Variants in PDE10A observed in about 807,000 individuals in gnomAD.
PDE10A encodes cAMP and cAMP-inhibited cGMP 3',5'-cyclic phosphodiesterase 10A.
In PDE10A, 39 loss-of-function variants were observed where a neutral mutation model predicts 97.7. The observed-to-expected ratio is 0.40, with a 90% CI of 0.31 to 0.52. The LOEUF is 0.52. PDE10A is among the 20% of genes least tolerant of loss of function. PDE10A has a pLI of 0.56. For synonymous variants in PDE10A, 371 were observed against 376.8 expected (o/e 0.98, Z 0.18); for missense variants, 731 against 1,047.8 (o/e 0.70, Z 4.17).
At chr6:165,889,302 T>A (rs1259502401) in intron 1 of PDE10A, among the ~76,000 whole-genome samples, 1 of 152,212 alleles carries the variant, frequency 6.6e-6, no homozygotes, top group Non-Finnish European at 1.5e-5. Flanking sequence ...CTTAGTTAGA[T>A]AATGAATTAT....
At chr6:165,916,408 G>A (rs151080712) in intron 1 of PDE10A, among the ~76,000 whole-genome samples, 5 of 152,330 alleles carry the variant, frequency 3.3e-5, no homozygotes, top group East Asian at 3.9e-4. Context: ...TTGCCAAAAT[G>A]CAGGAAGATT....
At chr6:165,382,667 A>G (rs1339556060) in intron 17 of PDE10A, among the ~76,000 whole-genome samples, 2 of 152,262 alleles carry the variant, frequency 1.3e-5, no homozygotes, top group East Asian at 1.9e-4. Context: ...TATGTACAAA[A>G]TATTTAAGTT....
At chr6:165,553,524 A>C (rs1170418721) in intron 1 of PDE10A, among the ~76,000 whole-genome samples, 1 of 152,204 alleles carries the variant, frequency 6.6e-6, no homozygotes, top group Non-Finnish European at 1.5e-5. Flanking sequence ...CATTCCACTG[A>C]AAGAGAATTG....
intron 1 of PDE10A, among the ~76,000 whole-genome samples, chr6:165,792,097 G>T (rs1248144295): frequency 6.6e-6 from 1 of 152,186 alleles, no homozygotes; most frequent in African/African-American, 2.4e-5. Flanking sequence ...TCAGTGTCTG[G>T]AAGGAGGCAC....
At position 165,671,510 on chromosome 6, in the gene PDE10A, C is replaced by T. The variant is rs147486755; in HGVS notation, c.-614-127942G>A. ...CCAGCTGCTCATGCTGCCACCTTCC[C>T]GTTGGCTGCTGTGTATATCTCTCCA... On this transcript the variant is annotated intron_variant, in intron 1 of 19. Transcript: ENST00000366882. The surrounding 1 kb of genome is among the most constrained non-coding windows in gnomAD (Gnocchi z 4.6). Among the ~76,000 whole-genome samples the T allele has an allele frequency of 2.5e-4, 38 of 152,268 alleles. No individual in the cohort carries two copies. Among genetic ancestry groups the T allele is most frequent in the Middle Eastern group, 3.4e-3 (1 of 294 alleles).
Position 165,394,044 on chromosome 6 carries a change from C to T in PDE10A, c.2303+1137G>A, listed in dbSNP as rs191272875. On this transcript the variant is annotated intron_variant, in intron 15 of 21. Coordinates refer to ENST00000539869, the MANE Select transcript of PDE10A (RefSeq NM_001385079.1). ...GTTGAAAGTTGATGCTAAATTTACA[C>T]GTGGTGTTCTAAACATTTATTATTA... 8.5e-3 allele frequency among the ~76,000 whole-genome samples: 1,246 copies of T among 146,406 alleles called. 4 individuals are homozygous for T. The highest frequency in any genetic ancestry group is 0.011 in the Non-Finnish European group (739 of 66,382).
intron 1 of PDE10A, among the ~76,000 whole-genome samples, chr6:165,944,726 G>T (rs190961994): frequency 6.6e-6 from 1 of 152,062 alleles, no homozygotes; most frequent in Non-Finnish European, 1.5e-5. Flanking sequence ...GCCCACTCAC[G>T]TTCACATATT....
chr6:165,391,358 T>G (rs1785700180), intron 16 of PDE10A, among the ~76,000 whole-genome samples: 1 of 152,194 alleles, frequency 6.6e-6, no homozygotes, highest in Admixed American at 6.5e-5. Context: ...ATCAACAAAG[T>G]TTTTCTCACT....
rs1192205853 is a variant in PDE10A at position 165,569,803 on chromosome 6, G to A, written c.866-26235C>T. Among the ~76,000 whole-genome samples, 4 of 152,236 alleles carry A rather than the reference G, an allele frequency of 2.6e-5. No individual in the cohort carries two copies. In the East Asian group the frequency reaches 7.7e-4, roughly 29 times the overall value. On this transcript the variant is annotated intron_variant, in intron 1 of 21. Transcript: ENST00000539869. ...TAAATGTTGAAGGAAATGCAGAACT[G>A]CATAAAGCTGCATAAACCCACATAT...
At chr6:165,352,996 T>C (rs1782795894) in intron 18 of PDE10A, among the ~76,000 whole-genome samples, 1 of 151,646 alleles carries the variant, frequency 6.6e-6, no homozygotes, top group African/African-American at 2.4e-5. Context: ...AATTCAACAA[T>C]AAGAAAACAC....
intron 1 of PDE10A, chr6:165,949,535 G>A (rs1752858126): frequency 6.6e-6 from 1 of 151,806 alleles, no homozygotes; most frequent in South Asian, 2.1e-4. Context: ...CCACAGACTG[G>A]TGCAACACGT....
intron 1 of PDE10A, among the ~76,000 whole-genome samples, chr6:165,881,380 CT>C (rs1781468328): frequency 7.3e-6 from 1 of 137,766 alleles, no homozygotes; most frequent in African/African-American, 2.7e-5. Flanking sequence ...AATTTCTTTT[CT>C]TTTTTCTTTT....
chr6:165,349,352 G>A (rs1269220307), intron 18 of PDE10A, among the ~76,000 whole-genome samples: 2 of 152,124 alleles, frequency 1.3e-5, no homozygotes, highest in Non-Finnish European at 2.9e-5. Context: ...TTGGGAACTG[G>A]AATAAAGGTC....
At position 165,985,360 on chromosome 6, in the gene PDE10A, A is replaced by G. The variant is rs990684162; in HGVS notation, c.-615+2169T>C. On this transcript the variant is annotated intron_variant, in intron 1 of 19. Transcript: ENST00000366882. Reference sequence around the variant, plus strand: ...CTGCCTGGGTTTCTTTTATGTGGAAATCAGATATCCAAGTATCACTTGTGT... The same window carrying G: ...CTGCCTGGGTTTCTTTTATGTGGAAGTCAGATATCCAAGTATCACTTGTGT... Among the ~76,000 whole-genome samples, 6 of 152,240 alleles carry G rather than the reference A, an allele frequency of 3.9e-5. No homozygotes were observed. In the South Asian group the frequency reaches 1.2e-3, roughly 32 times the overall value.
chr6:165,880,277 C>A (rs555157599), intron 1 of PDE10A, among the ~76,000 whole-genome samples: 4 of 152,104 alleles, frequency 2.6e-5, no homozygotes, highest in Non-Finnish European at 5.9e-5. Flanking sequence ...TTATGCTCAA[C>A]AATAATGTAT....
chr6:165,483,651 A>AATG (rs771101193), intron 2 of PDE10A, among the ~76,000 whole-genome samples: 4 of 152,242 alleles, frequency 2.6e-5, no homozygotes, highest in Admixed American at 6.5e-5. Context: ...ATTTAATGAG[A>AATG]ATGTTTGAAA....
chr6:165,873,163 G>A (rs1272666180), intron 1 of PDE10A, among the ~76,000 whole-genome samples: 1 of 152,114 alleles, frequency 6.6e-6, no homozygotes, highest in East Asian at 1.9e-4. Context: ...CCTGTGCTGA[G>A]GCATGAGTCT....
rs1030437785 is a variant in PDE10A at position 165,655,318 on chromosome 6, T to C, written c.865+6629A>G. ...GGCTTTGTTTATCCAACTGCCTTCC[T>C]AGCATATGCATCTCAGGCTGAACAC... On this transcript the variant is annotated intron_variant, in intron 1 of 21. Coordinates refer to ENST00000539869, the MANE Select transcript of PDE10A (RefSeq NM_001385079.1). This position sits in a 1 kb window ranked among gnomAD's most constrained non-coding sequence, Gnocchi z 4.5. Among the ~76,000 whole-genome samples the C allele has an allele frequency of 2.0e-5, 3 of 152,288 alleles. No individual in the cohort carries two copies. Among genetic ancestry groups the C allele is most frequent in the Non-Finnish European group, 4.4e-5 (3 of 68,016 alleles).
intron 3 of PDE10A, among the ~76,000 whole-genome samples, chr6:165,464,480 C>T (rs1778518888): frequency 6.6e-6 from 1 of 152,142 alleles, no homozygotes; most frequent in Non-Finnish European, 1.5e-5. Context: ...CTAAGCCATA[C>T]CACTTCAAAT....
Sources: allele counts gnomAD v4.1 joint callset (sites outside exome capture counted in the v4.1 genomes callset), GRCh38; gene constraint gnomAD v4.1.1; non-coding constraint Gnocchi (gnomAD v3.1); transcripts MANE v1.5; gene names NCBI Gene and HGNC (gene_info 2026-07-23, HGNC 2026-07-21).